The following KCNC4 variants were observed in gnomAD, a reference collection of about 807,000 sequenced individuals.
KCNC4 encodes the protein potassium voltage-gated channel subfamily C member 4.
Under a neutral mutation model 42.8 loss-of-function variants are expected in KCNC4, and 23 were observed. The ratio of observed to expected loss-of-function variants is 0.54; its 90% CI spans 0.39 to 0.76. The LOEUF (loss-of-function observed/expected upper bound fraction) is 0.76. KCNC4 is among the 30% of genes least tolerant of loss of function. The pLI, the probability that KCNC4 is intolerant of heterozygous loss-of-function variation, is 0.00. For synonymous variants in KCNC4, 422 were observed against 393.5 expected (o/e 1.07, Z -0.86); for missense variants, 751 against 898.2 (o/e 0.84, Z 2.10).
chr1:110,259,463 C>T (rs994981941), intron 1 of KCNC4, among the ~76,000 whole-genome samples: 24 of 152,184 alleles, frequency 1.6e-4, no homozygotes, highest in African/African-American at 5.5e-4. Flanking sequence ...TTACTTGGGG[C>T]TGTAATGTGT....
intron 1 of KCNC4, among the ~76,000 whole-genome samples, chr1:110,272,821 A>C (rs1659658638): frequency 6.6e-6 from 1 of 152,200 alleles, no homozygotes; most frequent in African/African-American, 2.4e-5. Context: ...TATTTCCATG[A>C]GCTGTCTTAG....
intron 1 of KCNC4, among the ~76,000 whole-genome samples, chr1:110,261,802 G>A (rs367642735): frequency 3.3e-5 from 5 of 152,310 alleles, no homozygotes; most frequent in African/African-American, 1.2e-4. Flanking sequence ...GGAGTGACCA[G>A]GGAGGTCTTT....
chr1:110,225,951 C>G, intron 2 of KCNC4, 24 bp from the exon 3 acceptor site: 1 of 1,556,036 alleles, frequency 6.4e-7, no homozygotes, highest in South Asian at 1.2e-5. Flanking sequence ...CTCATGCAGC[C>G]TCCTTTCTGT....
exon 4 of KCNC4, chr1:110,247,588 T>C (rs1342494200): frequency 6.7e-6 from 1 of 148,404 alleles, no homozygotes; most frequent in Non-Finnish European, 1.5e-5. Flanking sequence ...ATAGTCTTGC[T>C]CTGTCACCCA....
At chr1:110,221,315 G>A (rs553387100) in intron 1 of KCNC4, 56 of 152,322 alleles carry the variant, frequency 3.7e-4, no homozygotes, top group African/African-American at 1.3e-3. Flanking sequence ...AGTATGTAAC[G>A]TCTCTGATGT....
chr1:110,265,025 G>A lies in KCNC4; in HGVS notation n.31-17509G>A, dbSNP rs143892838. ...GAACCCGGGAGGCGGAGGTTGCAGT[G>A]AGCCGAGATTGTGCCACTGCACTCC... On this transcript the variant is annotated intron_variant and non_coding_transcript_variant, in intron 1 of 2. Transcript: ENST00000412512. Among the ~76,000 whole-genome samples the A allele has an allele frequency of 2.9e-4, 44 of 149,498 alleles. No individual in the cohort carries two copies. The East Asian group carries it at 8.8e-3, about 30-fold the overall frequency.
At chr1:110,219,366 G>T (rs536905664) in intron 1 of KCNC4, among the ~76,000 whole-genome samples, 1 of 152,110 alleles carries the variant, frequency 6.6e-6, no homozygotes, top group Non-Finnish European at 1.5e-5. Flanking sequence ...CACTGTGAAG[G>T]GGGTACTAGT....
chr1:110,231,237 G>C (rs1658673798), intron 3 of KCNC4, among the ~76,000 whole-genome samples: 1 of 152,172 alleles, frequency 6.6e-6, no homozygotes, highest in African/African-American at 2.4e-5. Context: ...TGGACTGGCT[G>C]CAGGGCCCAG....
chr1:110,214,131 C>G (rs1172630467), intron 1 of KCNC4, among the ~76,000 whole-genome samples: 2 of 152,244 alleles, frequency 1.3e-5, no homozygotes, highest in African/African-American at 4.8e-5. Flanking sequence ...TTCCCAGGAA[C>G]CCAGGGTGCT....
At chr1:110,241,429 T>C (rs1659032675) in exon 4 of KCNC4, 1 of 152,164 alleles carries the variant, frequency 6.6e-6, no homozygotes, top group African/African-American at 2.4e-5. Flanking sequence ...GTGACAGCCT[T>C]GTTCTCTGTG....
chr1:110,230,791 A>T (rs561096400), intron 3 of KCNC4, among the ~76,000 whole-genome samples: 6 of 152,288 alleles, frequency 3.9e-5, no homozygotes, highest in African/African-American at 1.4e-4. Context: ...ACAACCTCTC[A>T]GCACCTCTGG....
chr1:110,217,575 G>A (rs1243653096), intron 1 of KCNC4, among the ~76,000 whole-genome samples: 1 of 152,166 alleles, frequency 6.6e-6, no homozygotes, highest in African/African-American at 2.4e-5. Flanking sequence ...AGTGATCCGG[G>A]CTAGACTGAA....
exon 4 of KCNC4, chr1:110,242,643 G>A (rs910730126): frequency 1.3e-5 from 2 of 152,248 alleles, no homozygotes; most frequent in African/African-American, 4.8e-5. Context: ...TCGAGGACTT[G>A]GGTGTTCCTC....
At chr1:110,251,121 C>T (rs12141035), downstream of KCNC4, among the ~76,000 whole-genome samples, 48,001 of 151,924 alleles carry the variant, frequency 0.32, 7,963 homozygotes, top group Non-Finnish European at 0.37. Flanking sequence ...GGCAGGAGTC[C>T]CTATAGGACC....
intron 1 of KCNC4, among the ~76,000 whole-genome samples, chr1:110,218,521 A>G (rs1270832337): frequency 1.3e-5 from 2 of 151,642 alleles, no homozygotes; most frequent in Admixed American, 6.6e-5. Context: ...TAACCCTTAG[A>G]CCACCTGACA....
chr1:110,249,300 T>C (rs996572872), downstream of KCNC4, among the ~76,000 whole-genome samples: 1 of 152,340 alleles, frequency 6.6e-6, no homozygotes, highest in South Asian at 2.1e-4. Context: ...ATTGCAAGAA[T>C]ATGTCTCTTC....
intron 1 of KCNC4, among the ~76,000 whole-genome samples, chr1:110,268,736 T>A (rs1486726184): frequency 6.1e-5 from 9 of 147,818 alleles, no homozygotes; most frequent in Non-Finnish European, 1.2e-4. Context: ...TTTTATTTTT[T>A]TTTTTTTTTG....
chr1:110,276,603 G>A (rs773814395), intron 1 of KCNC4, among the ~76,000 whole-genome samples: 1 of 152,094 alleles, frequency 6.6e-6, no homozygotes, highest in Non-Finnish European at 1.5e-5. Flanking sequence ...CCCACATTCT[G>A]CCTCAGGACC....
Position 110,211,208 on chromosome 1 carries a change from CG to C in KCNC4, c.-287del. On this transcript the variant is annotated 5_prime_UTR_variant, in exon 1 of 4. Transcript: ENST00000438661. This position sits in a 1 kb window ranked among gnomAD's most constrained non-coding sequence, Gnocchi z 6.5. ...AGAGCGTTTGTGTGTCCCGTCGTAGCGGGGGACCGCGTGTGTGCTTGCTTCT... is the reference window on the plus strand; with the variant it reads ...AGAGCGTTTGTGTGTCCCGTCGTAGCGGGGACCGCGTGTGTGCTTGCTTCT... 1 of 447,932 alleles carries C rather than the reference CG, an allele frequency of 2.2e-6. No individual in the cohort carries two copies. The allele number at this position is 447,932 out of a possible 1,614,324, so 27.7% of individuals were successfully genotyped here.
Sources: gnomAD v4.1 joint callset for allele counts (sites outside exome capture counted in the v4.1 genomes callset) on GRCh38, gnomAD v4.1.1 for gene constraint, Gnocchi (gnomAD v3.1) non-coding constraint, MANE v1.5 for transcripts, NCBI Gene and HGNC (gene_info 2026-07-23, HGNC 2026-07-21) for gene names.